FANCI: variants seen among roughly 807,000 people sequenced by gnomAD.
FANCI encodes FA complementation group I.
A neutral mutation model predicts 176.1 loss-of-function variants in FANCI; 156 were observed. The ratio of observed to expected loss-of-function variants is 0.89; its 90% confidence interval spans 0.78 to 1.01. The LOEUF (loss-of-function observed/expected upper bound fraction) is 1.01. Ranked by LOEUF, FANCI falls within the 50% of genes least tolerant of loss-of-function variation. The pLI is 0.00. For missense variants in FANCI, 1,678 were observed against 1,534.1 expected (o/e 1.09, Z -1.57); for synonymous variants, 613 against 541.7 (o/e 1.13, Z -1.83).
chr15:89,286,035 G>A (rs774898029), intron 18 of FANCI, among the ~76,000 whole-genome samples: 3 of 151,640 alleles, frequency 2.0e-5, no homozygotes, highest in Non-Finnish European at 4.4e-5. Context: ...CCAGGCTGGA[G>A]TGCAGTGGCA....
At chr15:89,278,555 G>A (rs2053492447) in intron 13 of FANCI, 132 bp from the exon 14 acceptor site, 1 of 695,228 alleles carries the variant, frequency 1.4e-6, no homozygotes, top group Non-Finnish European at 2.6e-6. Context: ...CTTTCCAGAT[G>A]ATTCACATTA....
rs751263034 is a variant in FANCI, at chr15:89,305,295, GAAC to G, written c.3187-42_3187-40del. On this transcript the variant is annotated intron_variant, in intron 29 of 37. Coordinates refer to ENST00000310775, the MANE Select transcript of FANCI (RefSeq NM_001113378.2). ...CCCTGTGTGGGGATGGGGGTCAAGGGAACAACCTTACTGTCATTAGGTCTCACC... is the reference window on the plus strand; with the variant it reads ...CCCTGTGTGGGGATGGGGGTCAAGGGAACCTTACTGTCATTAGGTCTCACC... 15 of 1,614,162 alleles carry G rather than the reference GAAC, an allele frequency of 9.3e-6. No individual in the cohort carries two copies. In the South Asian group the frequency reaches 1.3e-4, roughly 14 times the overall value.
chr15:89,268,653 T>C (rs949795088), intron 10 of FANCI, 128 bp downstream of exon 10: 8 of 654,038 alleles, frequency 1.2e-5, no homozygotes, highest in African/African-American at 2.6e-5. Context: ...GAGGATCTCT[T>C]TTTTTTTTTT....
Position 89,313,058 on chromosome 15 carries a change from C to T in FANCI, c.3720+86C>T, listed in dbSNP as rs531913693. The T allele has an allele frequency of 2.8e-4, 352 of 1,244,348 alleles. 5 individuals carry two copies. In the South Asian group the frequency reaches 3.9e-3, roughly 14 times the overall value. The allele number at this position is 1,244,348 out of a possible 1,614,324, so 77.1% of individuals were successfully genotyped here. On this transcript the variant is annotated intron_variant, in intron 35 of 37. Coordinates refer to ENST00000310775, the MANE Select transcript of FANCI (RefSeq NM_001113378.2). ...GAAGAAGCCAGTGACAAAAAGACCA[C>T]GTGTTGTATGATTCCATTTTCATGA...
intron 34 of FANCI, 43 bp downstream of exon 34, chr15:89,307,715 G>T: frequency 6.2e-7 from 1 of 1,614,040 alleles, no homozygotes; most frequent in East Asian, 2.2e-5. Flanking sequence ...TTCAAGAAAG[G>T]ATTTCTTACA....
chr15:89,258,450 G>A (rs1321449502), intron 2 of FANCI, among the ~76,000 whole-genome samples: 1 of 152,158 alleles, frequency 6.6e-6, no homozygotes, highest in Non-Finnish European at 1.5e-5. Context: ...TTTGTTGGAT[G>A]AATGTATGTT....
rs2151741592 is a variant in FANCI, at chr15:89,293,981, C to G, written c.2440C>G (p.Leu814Val). ...GTCCATGAAATTTGTGTCCAGTCTTCTCACTGCTCTTTTCAGGTAAGGTTC... is the reference window on the plus strand; with the variant it reads ...GTCCATGAAATTTGTGTCCAGTCTTGTCACTGCTCTTTTCAGGTAAGGTTC... ...LLSMKFVSSL[L>V]TALFRDSIQS... The change falls in exon 23 of 38, where the codon CTC becomes GTC. Residue 814 changes from leucine to valine, a missense_variant. Around this residue, in one of 3 missense-constraint regions of FANCI, gnomAD observed 1,204 missense variants for 1,077.4 expected, o/e 1.12. Transcript: ENST00000310775. The G allele has an allele frequency of 6.2e-7, 1 of 1,614,164 alleles. No individual in the cohort carries two copies. Among genetic ancestry groups the G allele is most frequent in the Non-Finnish European group, 8.5e-7 (1 of 1,180,018 alleles).
chr15:89,278,599 A>G, intron 13 of FANCI, 88 bp from the exon 14 acceptor site: 1 of 931,478 alleles, frequency 1.1e-6, no homozygotes, highest in Non-Finnish European at 1.8e-6. Flanking sequence ...TCATATCCAA[A>G]CGGTTCTTCA....
chr15:89,301,622 T>C (rs1227185521), intron 27 of FANCI, among the ~76,000 whole-genome samples, 180 bp downstream of exon 27: 3 of 152,230 alleles, frequency 2.0e-5, no homozygotes, highest in African/African-American at 7.2e-5. Flanking sequence ...GTAATGCGTC[T>C]ACCACAGCAT....
chr15:89,252,957 A>G (rs1462009764), intron 2 of FANCI, among the ~76,000 whole-genome samples: 1 of 152,208 alleles, frequency 6.6e-6, no homozygotes, highest in Non-Finnish European at 1.5e-5. Flanking sequence ...TGACTGCAAA[A>G]TTCATATAGC....
intron 24 of FANCI, among the ~76,000 whole-genome samples, chr15:89,296,396 C>T (rs867558063): frequency 6.6e-6 from 1 of 150,628 alleles, no homozygotes; most frequent in African/African-American, 2.5e-5. Flanking sequence ...GCCTGAGCCA[C>T]TGTGGCTTTT....
intron 2 of FANCI, among the ~76,000 whole-genome samples, chr15:89,254,766 T>C (rs775936215): frequency 2.6e-5 from 4 of 152,226 alleles, no homozygotes; most frequent in Non-Finnish European, 5.9e-5. Context: ...GAGCTATGAC[T>C]GTGCCACTGC....
Position 89,316,904 on chromosome 15 carries a change from TAATGCTAAGGTCAA to T in FANCI, c.*448_*461del. ...GAGCTCAGAAGTGAGCAAAGGAGCT[TAATGCTAAGGTCAA>T]AAGGAGAGTGAAAGGTTGAGAACAA... On this transcript the variant is annotated 3_prime_UTR_variant, in exon 38 of 38. Coordinates refer to ENST00000310775, the MANE Select transcript of FANCI (RefSeq NM_001113378.2). 9.7e-7 allele frequency: 1 copy of T among 1,034,902 alleles called. No homozygotes were observed. The highest frequency in any genetic ancestry group is 1.5e-6 in the Non-Finnish European group (1 of 651,916). The allele number at this position is 1,034,902 out of a possible 1,614,324, so 64.1% of individuals were successfully genotyped here. A position where few individuals can be genotyped will look rare whatever the true frequency, so the allele number is the denominator to read the frequency against.
At chr15:89,317,218 C>G (rs1201157372), downstream of FANCI, 2 of 685,094 alleles carry the variant, frequency 2.9e-6, no homozygotes, top group Non-Finnish European at 5.2e-6. Context: ...ATCACATTCA[C>G]TCTGGACACA....
At position 89,262,264 on chromosome 15, in the gene FANCI, G is replaced by A. The variant is rs189614418; in HGVS notation, c.503+386G>A. ...TTTTTTTCTTTTTTCTTTTTTTTTT[G>A]AGGGAGTAGAATATACAAGTGATGT... On this transcript the variant is annotated intron_variant, in intron 6 of 37. Transcript: ENST00000310775. 8.2e-4 allele frequency among the ~76,000 whole-genome samples: 122 copies of A among 148,526 alleles called. 2 individuals are homozygous for A. In the East Asian group the frequency reaches 0.017, roughly 21 times the overall value.
At chr15:89,261,536 C>A (rs969306422) in intron 4 of FANCI, 49 bp from the exon 5 acceptor site, 20 of 1,608,206 alleles carry the variant, frequency 1.2e-5, no homozygotes, top group Non-Finnish European at 1.5e-5. Context: ...AAAGATTTAT[C>A]AAACATTGGA....
intron 9 of FANCI, 22 bp downstream of exon 9, chr15:89,264,629 TAA>T (rs755725440): frequency 6.3e-7 from 1 of 1,592,982 alleles, no homozygotes; most frequent in South Asian, 1.1e-5. Flanking sequence ...AGTGTAGAAA[TAA>T]AGATCATTTT....
intron 12 of FANCI, among the ~76,000 whole-genome samples, chr15:89,275,591 G>A (rs565567137): frequency 4.6e-5 from 7 of 152,132 alleles, no homozygotes; most frequent in Admixed American, 3.9e-4. Flanking sequence ...TATTGTTTGA[G>A]TGTTTTACCC....
In FANCI at chr15:89,293,154, A is replaced by C. The variant is rs879076869; in HGVS notation, c.2291+91A>C. 2.9e-6 allele frequency: 4 copies of C among 1,377,786 alleles called. No homozygotes were observed. In the South Asian group the frequency reaches 4.8e-5, roughly 16 times the overall value. The allele number at this position is 1,377,786 out of a possible 1,614,324, so 85.3% of individuals were successfully genotyped here. On this transcript the variant is annotated intron_variant, in intron 22 of 37. Transcript: ENST00000310775. ...TGTAGCAGTATTCTAGGCAGTAAAC[A>C]GACCACAGACGATGACACTGTCTCT...
Sources: allele counts gnomAD v4.1 joint callset (sites outside exome capture counted in the v4.1 genomes callset), GRCh38; gene constraint gnomAD v4.1.1; regional missense constraint gnomAD v4.1.1; transcripts MANE v1.5; gene names NCBI Gene and HGNC (gene_info 2026-07-23, HGNC 2026-07-21).